Variants in SGCZ observed in about 807,000 individuals in gnomAD.
SGCZ encodes the protein zeta-sarcoglycan.
A neutral mutation model predicts 41.3 loss-of-function variants in SGCZ; 40 were observed. The observed-to-expected ratio is 0.97, with a 90% CI of 0.75 to 1.26. SGCZ has a LOEUF of 1.26. Ranked by LOEUF, SGCZ falls within the 50% of genes most tolerant of loss-of-function variation. The pLI is 0.00. For missense variants in SGCZ, 552 were observed against 369.8 expected (o/e 1.49, Z -4.04); for synonymous variants, 206 against 137.5 (o/e 1.50, Z -3.49).
chr8:14,617,520 T>G (rs1806144793), intron 1 of SGCZ, among the ~76,000 whole-genome samples: 1 of 152,194 alleles, frequency 6.6e-6, no homozygotes, highest in African/African-American at 2.4e-5. Context: ...AGATTTATAA[T>G]GCCGTCTTCA....
chr8:14,249,015 T>C (rs936611293), intron 3 of SGCZ, among the ~76,000 whole-genome samples: 4 of 152,304 alleles, frequency 2.6e-5, no homozygotes, highest in Middle Eastern at 3.4e-3. Context: ...ATGGTTAGTT[T>C]TGTGTCAGTT....
chr8:15,079,233 G>C (rs939186023), intron 1 of SGCZ, among the ~76,000 whole-genome samples: 2 of 151,966 alleles, frequency 1.3e-5, no homozygotes, highest in Non-Finnish European at 2.9e-5. Flanking sequence ...ATTTATTATA[G>C]GCAGGAATGT....
intron 1 of SGCZ, among the ~76,000 whole-genome samples, chr8:14,662,695 A>G (rs187048723): frequency 6.6e-6 from 1 of 152,328 alleles, no homozygotes; most frequent in East Asian, 1.9e-4. Flanking sequence ...ATTAAGGTTG[A>G]TAATGAAATC....
At chr8:14,209,199 G>C (rs971762776) in intron 4 of SGCZ, among the ~76,000 whole-genome samples, 1 of 152,172 alleles carries the variant, frequency 6.6e-6, no homozygotes, top group Non-Finnish European at 1.5e-5. Context: ...GTCACATGTT[G>C]TCCAACCAAT....
At chr8:14,098,279 A>G (rs12155874) in intron 7 of SGCZ, among the ~76,000 whole-genome samples, 52,783 of 152,074 alleles carry the variant, frequency 0.35, 11,445 homozygotes, top group Non-Finnish European at 0.49. Context: ...AAGCAAAGAG[A>G]AAGAAATGAA....
At chr8:15,133,149 T>TATAAATAAAAAA (rs1554463051) in intron 1 of SGCZ, among the ~76,000 whole-genome samples, 27 of 151,200 alleles carry the variant, frequency 1.8e-4, no homozygotes, top group Non-Finnish European at 2.9e-4. Context: ...TCTCAAAATA[T>TATAAATAAAAAA]ATAAATAAAT....
intron 1 of SGCZ, among the ~76,000 whole-genome samples, chr8:15,004,705 A>C (rs1052187810): frequency 6.6e-6 from 1 of 152,192 alleles, no homozygotes; most frequent in Non-Finnish European, 1.5e-5. Context: ...CTCCCAAGAC[A>C]ACAAAAGACT....
At chr8:14,527,719 T>C (rs1048748102) in intron 2 of SGCZ, among the ~76,000 whole-genome samples, 10 of 152,100 alleles carry the variant, frequency 6.6e-5, no homozygotes, top group African/African-American at 2.4e-4. Flanking sequence ...ATGTAAGTAC[T>C]CAATAAGCAC....
rs568411503 is a variant in SGCZ, at chr8:14,463,108, T to A, written c.234+91624A>T. ...GTGGAATCTTTAGGGCTTTCTATAT[T>A]TAAGATCATATTATCTGCAAAAAGA... is the stretch of plus-strand genomic sequence containing the variant. On this transcript the variant is annotated intron_variant, in intron 2 of 7. Coordinates refer to ENST00000382080, the MANE Select transcript of SGCZ (RefSeq NM_139167.4). Among the ~76,000 whole-genome samples the A allele has an allele frequency of 5.7e-4, 86 of 151,864 alleles. 1 individual carries two copies. The highest frequency in any genetic ancestry group is 1.4e-3 in the Admixed American group (22 of 15,218).
chr8:14,409,502 A>G (rs28562605), intron 2 of SGCZ, among the ~76,000 whole-genome samples: 2,316 of 152,250 alleles, frequency 0.015, 61 homozygotes, highest in African/African-American at 0.052. Context: ...ATTCACTTTT[A>G]AAATATGTTT....
chr8:14,965,897 A>G (rs946958102), intron 1 of SGCZ, among the ~76,000 whole-genome samples: 1 of 152,130 alleles, frequency 6.6e-6, no homozygotes, highest in Middle Eastern at 3.2e-3. Flanking sequence ...AGAATAAACA[A>G]TACTCTACCT....
intron 2 of SGCZ, among the ~76,000 whole-genome samples, chr8:14,414,321 C>T (rs1238965282): frequency 6.6e-6 from 1 of 151,834 alleles, no homozygotes; most frequent in Non-Finnish European, 1.5e-5. Flanking sequence ...ATACTATATA[C>T]GTATGACACT....
chr8:15,120,194 G>T (rs1188245604), intron 1 of SGCZ, among the ~76,000 whole-genome samples: 1 of 152,166 alleles, frequency 6.6e-6, no homozygotes, highest in Non-Finnish European at 1.5e-5. Flanking sequence ...GCCAATGAAC[G>T]AATGATAAAT....
At chr8:14,463,348 A>T (rs1175078919) in intron 2 of SGCZ, among the ~76,000 whole-genome samples, 1 of 151,250 alleles carries the variant, frequency 6.6e-6, no homozygotes, top group African/African-American at 2.4e-5. Flanking sequence ...GTAGTACTGG[A>T]ATAAACACAG....
intron 1 of SGCZ, among the ~76,000 whole-genome samples, chr8:14,975,500 A>T (rs1009486217): frequency 2.0e-5 from 3 of 152,126 alleles, no homozygotes; most frequent in Non-Finnish European, 4.4e-5. Context: ...ATTTTTCCCT[A>T]AATGAGGAGA....
At chr8:14,905,482 G>C (rs4831661) in intron 1 of SGCZ, among the ~76,000 whole-genome samples, 1 of 151,832 alleles carries the variant, frequency 6.6e-6, no homozygotes. Context: ...CATTGGAATT[G>C]AAACTTGGAG....
intron 1 of SGCZ, among the ~76,000 whole-genome samples, chr8:15,109,635 C>G (rs1207049035): frequency 6.6e-6 from 1 of 152,026 alleles, no homozygotes; most frequent in Non-Finnish European, 1.5e-5. Context: ...AAACTTGATT[C>G]AGGAAAACAG....
chr8:14,672,201 T>A (rs569731036), intron 1 of SGCZ, among the ~76,000 whole-genome samples: 1 of 152,306 alleles, frequency 6.6e-6, no homozygotes, highest in African/African-American at 2.4e-5. Context: ...GGCAGTTAAC[T>A]ATGACCACAT....
At chr8:14,608,010 T>C (rs1473773762) in intron 1 of SGCZ, among the ~76,000 whole-genome samples, 3 of 152,204 alleles carry the variant, frequency 2.0e-5, no homozygotes, top group Admixed American at 6.5e-5. Context: ...TTACATGATT[T>C]TCAGAATGAG....
Sources: gnomAD v4.1 joint callset for allele counts (sites outside exome capture counted in the v4.1 genomes callset) on GRCh38, gnomAD v4.1.1 for gene constraint, MANE v1.5 for transcripts, NCBI Gene and HGNC (gene_info 2026-07-23, HGNC 2026-07-21) for gene names.